ETV6: variants seen among roughly 807,000 people sequenced by gnomAD.
ETV6 encodes the protein ETS variant transcription factor 6, also known as transcription factor ETV6.
In ETV6, 16 loss-of-function variants were observed where a neutral mutation model predicts 51.1. The ratio of observed to expected loss-of-function variants is 0.31; its 90% CI spans 0.21 to 0.48. The LOEUF is 0.48. Ranked by LOEUF, ETV6 falls within the 20% of genes least tolerant of loss-of-function variation. The pLI, the probability that ETV6 is intolerant of heterozygous loss-of-function variation, is 0.99. For synonymous variants in ETV6, 240 were observed against 224.1 expected (o/e 1.07, Z -0.64); for missense variants, 458 against 594.8 (o/e 0.77, Z 2.39).
At chr12:11,829,254 C>T (rs1458493772) in intron 2 of ETV6, among the ~76,000 whole-genome samples, 1 of 152,164 alleles carries the variant, frequency 6.6e-6, no homozygotes, top group African/African-American at 2.4e-5. Context: ...CTATCCAGTC[C>T]TTGTCCTACC....
chr12:11,776,104 A>G (rs1265436196), intron 2 of ETV6, among the ~76,000 whole-genome samples: 1 of 152,178 alleles, frequency 6.6e-6, no homozygotes, highest in Non-Finnish European at 1.5e-5. Context: ...TTAGCCTGGG[A>G]GCTCACGGTT....
chr12:11,824,725 T>C (rs1302132769), intron 2 of ETV6, among the ~76,000 whole-genome samples: 3 of 152,088 alleles, frequency 2.0e-5, no homozygotes, highest in Non-Finnish European at 4.4e-5. Flanking sequence ...TGAGCCTAGA[T>C]CGCGCTAATG....
intron 2 of ETV6, among the ~76,000 whole-genome samples, chr12:11,786,099 C>T (rs985369199): frequency 1.3e-5 from 2 of 152,190 alleles, no homozygotes; most frequent in Middle Eastern, 3.4e-3. Flanking sequence ...GGACGGGCTA[C>T]GGTTCTTGTT....
intron 1 of ETV6, among the ~76,000 whole-genome samples, chr12:11,712,484 C>G (rs920700090): frequency 1.3e-5 from 2 of 152,166 alleles, no homozygotes; most frequent in Non-Finnish European, 2.9e-5. Context: ...TATTACAGGT[C>G]GTGCTCATCT....
intron 1 of ETV6, among the ~76,000 whole-genome samples, chr12:11,668,397 TTTG>T (rs1206768653): frequency 0.038 from 5,722 of 151,122 alleles, 120 homozygotes; most frequent in Admixed American, 0.061. Flanking sequence ...TTCGCACTGT[TTTG>T]TTTTTTTTTT....
intron 1 of ETV6, among the ~76,000 whole-genome samples, chr12:11,707,313 G>A (rs1865090277): frequency 6.6e-6 from 1 of 152,248 alleles, no homozygotes; most frequent in South Asian, 2.1e-4. Flanking sequence ...CAGGCTTGCT[G>A]TGGCAGGCAG....
chr12:11,858,413 T>A (rs949159346), intron 4 of ETV6, among the ~76,000 whole-genome samples: 2 of 151,616 alleles, frequency 1.3e-5, no homozygotes, highest in Admixed American at 1.3e-4. Flanking sequence ...TATTTTTTTT[T>A]AATTGTCATT....
chr12:11,868,238 A>T (rs1408498859), intron 4 of ETV6, among the ~76,000 whole-genome samples: 1 of 152,108 alleles, frequency 6.6e-6, no homozygotes, highest in Non-Finnish European at 1.5e-5. Flanking sequence ...GCAGTGACAG[A>T]TGTTGTCATG....
At chr12:11,788,165 T>C (rs1945517136) in intron 2 of ETV6, among the ~76,000 whole-genome samples, 1 of 152,222 alleles carries the variant, frequency 6.6e-6, no homozygotes, top group Admixed American at 6.5e-5. Flanking sequence ...TGACATCATT[T>C]CCATAGGATT....
chr12:11,773,628 T>G (rs1199564011), intron 2 of ETV6, among the ~76,000 whole-genome samples: 1 of 152,250 alleles, frequency 6.6e-6, no homozygotes, highest in Admixed American at 6.5e-5. Flanking sequence ...TCCAAGGTGT[T>G]TGAAGCACTT....
intron 1 of ETV6, among the ~76,000 whole-genome samples, chr12:11,723,720 A>G (rs953212947): frequency 6.6e-6 from 1 of 152,164 alleles, no homozygotes; most frequent in East Asian, 1.9e-4. Flanking sequence ...TGACCAACAC[A>G]TTGGTAAATT....
intron 5 of ETV6, among the ~76,000 whole-genome samples, chr12:11,871,080 C>T (rs1946874046): frequency 6.6e-6 from 1 of 152,110 alleles, no homozygotes; most frequent in Non-Finnish European, 1.5e-5. Flanking sequence ...GCCCCCTCCT[C>T]CCTGAGCCCA....
chr12:11,850,098 C>T (rs1451059277), intron 3 of ETV6, among the ~76,000 whole-genome samples: 1 of 152,174 alleles, frequency 6.6e-6, no homozygotes, highest in African/African-American at 2.4e-5. Flanking sequence ...CCGTAGCCGC[C>T]TCATGGATAG....
chr12:11,891,114 G>T lies in ETV6; in HGVS notation c.*68G>T. 7.8e-7 allele frequency: 1 copy of T among 1,279,884 alleles called. No homozygotes were observed. The highest frequency in any genetic ancestry group is 1.1e-6 in the Non-Finnish European group (1 of 885,882). The allele number at this position is 1,279,884 out of a possible 1,614,324, so 79.3% of individuals were successfully genotyped here. ...CCCCTGCCCACCAGGATTGCTGGAA[G>T]TGTGACGGAGCAGGCGGGCTGAGGA... On this transcript the variant is annotated 3_prime_UTR_variant, in exon 8 of 8. Transcript: ENST00000396373.
chr12:11,854,300 C>T (rs915777295), intron 4 of ETV6, among the ~76,000 whole-genome samples: 17 of 152,266 alleles, frequency 1.1e-4, no homozygotes, highest in African/African-American at 3.9e-4. Flanking sequence ...GCTCTAGATA[C>T]AGATGAAGCT....
chr12:11,778,489 G>A (rs1945366980), intron 2 of ETV6, among the ~76,000 whole-genome samples: 1 of 152,208 alleles, frequency 6.6e-6, no homozygotes, highest in Non-Finnish European at 1.5e-5. Flanking sequence ...GCTGGGTATA[G>A]TGCCTGATGC....
intron 4 of ETV6, among the ~76,000 whole-genome samples, chr12:11,867,005 A>G (rs12305522): frequency 0.081 from 12,390 of 152,286 alleles, 599 homozygotes; most frequent in African/African-American, 0.12. Context: ...GGGGAGGAAC[A>G]TGCAGCATAG....
At position 11,891,627 on chromosome 12, in the gene ETV6, TAAAATG is replaced by T. The variant is rs1947289062; in HGVS notation, c.*586_*591del. The T allele has an allele frequency of 1.9e-6, 1 of 529,466 alleles. No homozygotes were observed. The highest frequency in any genetic ancestry group is 1.6e-5 in the South Asian group (1 of 63,558). The allele number at this position is 529,466 out of a possible 1,614,324, so 32.8% of individuals were successfully genotyped here. A position where few individuals can be genotyped will look rare whatever the true frequency, so the allele number is the denominator to read the frequency against. The stretch of plus-strand genomic sequence containing the variant: ...AAAAAAAAAATGCTTTTAAAAAAGA[TAAAATG>T]AAAAGGAGAGCTCTCTTTTTCTCTC... On this transcript the variant is annotated 3_prime_UTR_variant, in exon 8 of 8. Coordinates refer to ENST00000396373, the MANE Select transcript of ETV6 (RefSeq NM_001987.5).
At chr12:11,882,016 C>T (rs1947104729) in intron 5 of ETV6, among the ~76,000 whole-genome samples, 1 of 152,168 alleles carries the variant, frequency 6.6e-6, no homozygotes, top group African/African-American at 2.4e-5. Flanking sequence ...AGTGGCTGGA[C>T]AGCTTCTGTT....
Sources: gnomAD v4.1 joint callset for allele counts (sites outside exome capture counted in the v4.1 genomes callset) on GRCh38, gnomAD v4.1.1 for gene constraint, MANE v1.5 for transcripts, NCBI Gene and HGNC (gene_info 2026-07-23, HGNC 2026-07-21) for gene names.